The following RALA variants were observed in gnomAD, a reference collection of about 807,000 sequenced individuals.
RALA encodes the protein RAS like proto-oncogene A.
Under a neutral mutation model 24.0 loss-of-function variants are expected in RALA, and 5 were observed. The ratio of observed to expected loss-of-function variants is 0.21; its 90% confidence interval spans 0.11 to 0.44. RALA has a LOEUF of 0.44. Ranked by LOEUF, RALA falls within the 20% of genes least tolerant of loss-of-function variation. The probability of loss-of-function intolerance (pLI) is 0.99; values close to 1 mark genes in which losing one functional copy is unlikely to be tolerated. For synonymous variants in RALA, 77 were observed against 83.8 expected, an observed-to-expected ratio of 0.92 and a Z score of 0.44; for missense variants, 95 against 241.2, an observed-to-expected ratio of 0.39 and a Z score of 4.01.
intron 3 of RALA, among the ~76,000 whole-genome samples, chr7:39,693,132 G>A (rs763726172): frequency 9.2e-5 from 14 of 152,096 alleles, no homozygotes; most frequent in African/African-American, 1.4e-4. Flanking sequence ...TGTTTACTGC[G>A]GCACTACTCA....
chr7:39,705,627 G>C (rs1487712686), intron 4 of RALA, among the ~76,000 whole-genome samples: 1 of 151,996 alleles, frequency 6.6e-6, no homozygotes, highest in East Asian at 1.9e-4. Context: ...ATAGTGTCTG[G>C]TATCAAGATG....
intron 4 of RALA, among the ~76,000 whole-genome samples, chr7:39,702,354 T>G (rs1010682496): frequency 2.0e-5 from 3 of 152,190 alleles, no homozygotes; most frequent in Non-Finnish European, 2.9e-5. Context: ...CCTGTATTAA[T>G]AGGATTTGTG....
intron 1 of RALA, among the ~76,000 whole-genome samples, chr7:39,664,906 C>G (rs1247542824): frequency 1.3e-5 from 2 of 151,942 alleles, no homozygotes; most frequent in East Asian, 3.9e-4. Context: ...CTAGAAGAAG[C>G]AAACCCATAA....
At chr7:39,634,992 A>C (rs912125964) in intron 1 of RALA, among the ~76,000 whole-genome samples, 2 of 152,102 alleles carry the variant, frequency 1.3e-5, no homozygotes, top group Non-Finnish European at 2.9e-5. Context: ...TGAGGACTTG[A>C]ATCTTCTTTA....
intron 3 of RALA, among the ~76,000 whole-genome samples, chr7:39,692,200 C>T (rs1353277380): frequency 1.3e-5 from 2 of 152,128 alleles, no homozygotes; most frequent in African/African-American, 2.4e-5. Context: ...AATATCAGCT[C>T]CTCCCTTTAG....
In RALA at chr7:39,660,477, A is replaced by G. The variant is rs76264112; in HGVS notation, c.-37-26154A>G. ...AAGAAGGAATATTGAATTTTATCCA[A>G]TGCTTATTTCTTTTCTGTCTCTCTT... On this transcript the variant is annotated intron_variant, in intron 1 of 4. Coordinates refer to ENST00000005257, the MANE Select transcript of RALA (RefSeq NM_005402.4). Among the ~76,000 whole-genome samples the G allele has an allele frequency of 4.7e-3, 712 of 152,246 alleles. 9 individuals carry two copies. The highest frequency in any genetic ancestry group is 0.017 in the African/African-American group (687 of 41,550).
chr7:39,650,035 A>C (rs1177876780), intron 1 of RALA, among the ~76,000 whole-genome samples: 3 of 152,216 alleles, frequency 2.0e-5, no homozygotes, highest in African/African-American at 7.2e-5. Context: ...AGTGAGTTTG[A>C]GAAATGAAGT....
intron 3 of RALA, among the ~76,000 whole-genome samples, chr7:39,694,675 T>C (rs1437206511): frequency 6.6e-6 from 1 of 152,048 alleles, no homozygotes; most frequent in African/African-American, 2.4e-5. Flanking sequence ...TAGGAAACAT[T>C]GTCTAAGAAG....
At chr7:39,697,948 AGTGTGTGTGTGT>A (rs370929636) in intron 4 of RALA, among the ~76,000 whole-genome samples, 8 of 148,790 alleles carry the variant, frequency 5.4e-5, no homozygotes, top group Non-Finnish European at 1.2e-4. Context: ...GACTAGGGCA[AGTGTGTGTGTGT>A]GTGTGTGTGT....
At chr7:39,656,937 G>C (rs1792105028) in intron 1 of RALA, among the ~76,000 whole-genome samples, 1 of 152,056 alleles carries the variant, frequency 6.6e-6, no homozygotes, top group Non-Finnish European at 1.5e-5. Context: ...CTCTGTTCCA[G>C]TTTTGTTTGT....
At chr7:39,700,183 G>A (rs188859156) in intron 4 of RALA, among the ~76,000 whole-genome samples, 2 of 152,254 alleles carry the variant, frequency 1.3e-5, no homozygotes, top group African/African-American at 2.4e-5. Context: ...GTATAACAAA[G>A]TACACCCCAG....
chr7:39,691,752 G>C (rs560656917), intron 3 of RALA, among the ~76,000 whole-genome samples: 1 of 152,280 alleles, frequency 6.6e-6, no homozygotes, highest in South Asian at 2.1e-4. Context: ...GTTTCTATGA[G>C]GAAGAAATTT....
At chr7:39,666,573 T>C (rs933543013) in intron 1 of RALA, among the ~76,000 whole-genome samples, 4 of 152,254 alleles carry the variant, frequency 2.6e-5, no homozygotes, top group Non-Finnish European at 5.9e-5. Context: ...GCCTTACTTA[T>C]ACAGGAAGGA....
chr7:39,673,379 C>T (rs963646711), intron 1 of RALA, among the ~76,000 whole-genome samples: 4 of 152,018 alleles, frequency 2.6e-5, no homozygotes, highest in African/African-American at 7.2e-5. Context: ...CCAAAATACA[C>T]TCTTTATGTC....
chr7:39,675,503 G>A (rs912970216), intron 1 of RALA, among the ~76,000 whole-genome samples: 1 of 152,128 alleles, frequency 6.6e-6, no homozygotes, highest in Non-Finnish European at 1.5e-5. Flanking sequence ...AGGCCTAGGC[G>A]GGAGGATCGC....
chr7:39,634,636 A>G (rs943324482), intron 1 of RALA, among the ~76,000 whole-genome samples: 3 of 152,076 alleles, frequency 2.0e-5, no homozygotes, highest in Non-Finnish European at 4.4e-5. Context: ...CTACCCTATT[A>G]ATCTCCAAGG....
chr7:39,642,975 C>G (rs1791847720), intron 1 of RALA, among the ~76,000 whole-genome samples: 1 of 152,224 alleles, frequency 6.6e-6, no homozygotes, highest in Admixed American at 6.5e-5. Context: ...CTGTAACATT[C>G]ACTTACTTGG....
At chr7:39,689,491 A>C (rs1382682685) in intron 2 of RALA, among the ~76,000 whole-genome samples, 1 of 152,252 alleles carries the variant, frequency 6.6e-6, no homozygotes, top group Non-Finnish European at 1.5e-5. Flanking sequence ...CCCTGCTCTG[A>C]GGGGTTAAAT....
At chr7:39,677,039 A>T (rs925839563) in intron 1 of RALA, among the ~76,000 whole-genome samples, 6 of 152,350 alleles carry the variant, frequency 3.9e-5, no homozygotes, top group African/African-American at 1.2e-4. Context: ...ATGAATCACC[A>T]GTGTCATAAA....
Sources: allele counts gnomAD v4.1 joint callset (sites outside exome capture counted in the v4.1 genomes callset), GRCh38; gene constraint gnomAD v4.1.1; transcripts MANE v1.5; gene names NCBI Gene and HGNC (gene_info 2026-07-23, HGNC 2026-07-21).